Variants in DMXL2 observed in about 807,000 individuals in gnomAD.
DMXL2 encodes the protein dmX-like protein 2.
A neutral mutation model predicts 331.1 loss-of-function variants in DMXL2; 103 were observed. The observed-to-expected ratio is 0.31, with a 90% CI of 0.27 to 0.37. DMXL2 has a LOEUF of 0.37. Among genes scored for constraint, DMXL2 ranks in the 10% least tolerant of loss-of-function variants. DMXL2 has a pLI of 1.00. For synonymous variants in DMXL2, 1,281 were observed against 1,252.1 expected (o/e 1.02, Z -0.49); for missense variants, 3,171 against 3,642.9 (o/e 0.87, Z 3.33).
intron 6 of DMXL2, among the ~76,000 whole-genome samples, chr15:51,558,056 T>C (rs1384470346): frequency 2.0e-5 from 3 of 152,238 alleles, no homozygotes; most frequent in Non-Finnish European, 4.4e-5. Flanking sequence ...CAGTTTCAAC[T>C]GCAAGCATCT....
At chr15:51,451,561 C>T (rs763662851) in intron 42 of DMXL2, 84 bp downstream of exon 42, 255 of 1,049,570 alleles carry the variant, frequency 2.4e-4, no homozygotes, top group Non-Finnish European at 3.3e-4. Context: ...TCACTGGATT[C>T]ACTAATTAAA....
chr15:51,583,226 C>A (rs934883300), intron 1 of DMXL2, among the ~76,000 whole-genome samples: 6 of 105,394 alleles, frequency 5.7e-5, no homozygotes, highest in African/African-American at 1.9e-4. Flanking sequence ...GCTGCACCCA[C>A]TAATGTGTCA....
In DMXL2 at chr15:51,500,121, G is replaced by C; in HGVS notation, c.3103C>G (p.Pro1035Ala). 2 of 1,613,930 alleles carry C rather than the reference G, an allele frequency of 1.2e-6. No individual in the cohort carries two copies. The highest frequency in any genetic ancestry group is 8.5e-7 in the Non-Finnish European group (1 of 1,179,972). The change falls in exon 18 of 44, where the codon CCA (proline) becomes GCA (alanine). Residue 1035 changes from proline (P) to alanine (A), a missense_variant. Physicochemically the swap from Pro to Ala is conservative, Grantham distance 27 (BLOSUM62 -1). Coordinates refer to ENST00000560891, the MANE Select transcript of DMXL2 (RefSeq NM_001378457.1). ...RFWKCCMEAN[P>A]ECNKSDEKEI... Reference sequence around the variant, plus strand: ...TTCTCATCACTTTTATTACACTCTGGGTTGGCTTCCATACAACATTTCCAG... The same window carrying C: ...TTCTCATCACTTTTATTACACTCTGCGTTGGCTTCCATACAACATTTCCAG...
intron 1 of DMXL2, among the ~76,000 whole-genome samples, chr15:51,618,958 T>C (rs998433375): frequency 1.3e-5 from 2 of 152,186 alleles, no homozygotes; most frequent in African/African-American, 2.4e-5. Context: ...ACTGGAATAA[T>C]AGTAACTGCC....
chr15:51,463,240 T>C lies in DMXL2; in HGVS notation c.7926+139A>G, dbSNP rs545195097. ...AAATTATAAGGTTTTATCTTAAAAGTAGTTCACGGTAGTTTAGTGAACTTT... is the reference window on the plus strand; with the variant it reads ...AAATTATAAGGTTTTATCTTAAAAGCAGTTCACGGTAGTTTAGTGAACTTT... On this transcript the variant is annotated intron_variant, in intron 33 of 43. Transcript: ENST00000560891. The C allele has an allele frequency of 3.3e-5, 18 of 547,122 alleles. No individual in the cohort carries two copies. The South Asian group carries it at 3.8e-4, about 12-fold the overall frequency. 33.9% of individuals were successfully genotyped at this position (547,122 alleles called of 1,614,324 possible).
At chr15:51,601,151 C>T (rs1289747692) in intron 1 of DMXL2, among the ~76,000 whole-genome samples, 2 of 151,732 alleles carry the variant, frequency 1.3e-5, no homozygotes, top group African/African-American at 4.8e-5. Flanking sequence ...ATTAGCCGGG[C>T]GTGGTGGCAG....
chr15:51,542,608 TAAA>T, intron 8 of DMXL2, 101 bp from the exon 9 acceptor site: 1 of 844,604 alleles, frequency 1.2e-6, no homozygotes, highest in Non-Finnish European at 1.8e-6. Context: ...TTTTTCTCCA[TAAA>T]AACCTGATCA....
chr15:51,451,571 A>C, intron 42 of DMXL2, 74 bp downstream of exon 42: 1 of 1,202,638 alleles, frequency 8.3e-7, no homozygotes, highest in Non-Finnish European at 1.2e-6. Context: ...CACTAATTAA[A>C]ACCAAGAAAG....
rs745709758 is a variant in DMXL2, at chr15:51,447,822, T to C, written c.*1162A>G. 4.6e-5 allele frequency: 7 copies of C among 152,682 alleles called. No individual in the cohort carries two copies. The highest frequency in any genetic ancestry group is 1.0e-4 in the Non-Finnish European group (7 of 68,036). 9.5% of individuals were successfully genotyped at this position (152,682 alleles called of 1,614,324 possible). A position where few individuals can be genotyped will look rare whatever the true frequency, so the allele number is the denominator to read the frequency against. On this transcript the variant is annotated 3_prime_UTR_variant, in exon 44 of 44. Transcript: ENST00000560891. The stretch of plus-strand genomic sequence containing the variant: ...AAATAACATTTATTTTTCTTTTACA[T>C]ATATATTTCACAGCCTGAACATCAC...
chr15:51,481,399 C>G lies in DMXL2; in HGVS notation c.5707G>C (p.Glu1903Gln), dbSNP rs1567009399. Residue 1903 changes from glutamate (E) to glutamine (Q), a missense_variant, in exon 24 of 44, where the codon GAG becomes CAG. Physicochemically the swap from Glu to Gln is conservative, Grantham distance 29 (BLOSUM62 2). This residue lies in a region of DMXL2 where 244 missense variants were observed against 251.4 expected (regional missense o/e 0.97). Transcript: ENST00000560891. ...ACTTTTGGAATTTTGGAGAGTACCT[C>G]CAAGGCTAAAACAGGGCATCCAACT... ...FKVGCPVLALEVLSKIPKVTK... is the reference protein window; with the variant it reads ...FKVGCPVLALQVLSKIPKVTK... The G allele has an allele frequency of 1.2e-6, 2 of 1,612,966 alleles. No individual in the cohort carries two copies. The highest frequency in any genetic ancestry group is 1.7e-6 in the Non-Finnish European group (2 of 1,179,478).
intron 25 of DMXL2, among the ~76,000 whole-genome samples, chr15:51,479,253 T>C (rs899261538): frequency 8.5e-5 from 13 of 152,292 alleles, no homozygotes; most frequent in Non-Finnish European, 1.8e-4. Context: ...TAAATGTGCC[T>C]GTCAAACAAA....
chr15:51,582,928 A>G (rs1485252316), intron 1 of DMXL2, among the ~76,000 whole-genome samples: 3 of 151,906 alleles, frequency 2.0e-5, no homozygotes, highest in African/African-American at 7.2e-5. Context: ...CAATTACTTA[A>G]TAATTACCTA....
intron 17 of DMXL2, among the ~76,000 whole-genome samples, chr15:51,502,217 AGT>A (rs1387980192): frequency 2.1e-5 from 3 of 144,066 alleles, no homozygotes; most frequent in African/African-American, 5.1e-5. Context: ...TGGGCGACAG[AGT>A]GAGACTCCGT....
intron 1 of DMXL2, among the ~76,000 whole-genome samples, chr15:51,605,901 A>G (rs950198470): frequency 6.6e-6 from 1 of 152,206 alleles, no homozygotes; most frequent in African/African-American, 2.4e-5. Flanking sequence ...TAAAAAAATA[A>G]AAAATACTGT....
chr15:51,576,596 A>C (rs1173184806), intron 1 of DMXL2, among the ~76,000 whole-genome samples: 1 of 152,202 alleles, frequency 6.6e-6, no homozygotes, highest in African/African-American at 2.4e-5. Context: ...AGAAATATCA[A>C]GATAGAAATC....
chr15:51,449,601 C>G (rs75161170), intron 43 of DMXL2, among the ~76,000 whole-genome samples: 1,762 of 152,294 alleles, frequency 0.012, 27 homozygotes, highest in East Asian at 0.026. Context: ...ACGCATTCAG[C>G]ACGCTCCTTG....
At chr15:51,563,773 A>G (rs1016308879) in intron 5 of DMXL2, among the ~76,000 whole-genome samples, 1 of 152,076 alleles carries the variant, frequency 6.6e-6, no homozygotes, top group African/African-American at 2.4e-5. Flanking sequence ...CACATAATCT[A>G]TATGACTGTT....
intron 13 of DMXL2, among the ~76,000 whole-genome samples, chr15:51,520,728 G>A (rs777535232): frequency 2.6e-5 from 4 of 152,116 alleles, no homozygotes; most frequent in Admixed American, 6.5e-5. Flanking sequence ...GTGGCAGTGC[G>A]CACCTGTAAT....
intron 1 of DMXL2, among the ~76,000 whole-genome samples, chr15:51,586,377 G>A (rs1229021669): frequency 6.6e-6 from 1 of 151,934 alleles, no homozygotes; most frequent in Non-Finnish European, 1.5e-5. Context: ...CTACAAATAT[G>A]TAAAAACAAA....
Sources: gnomAD v4.1 joint callset for allele counts (sites outside exome capture counted in the v4.1 genomes callset) on GRCh38, gnomAD v4.1.1 for gene constraint, gnomAD v4.1.1 regional missense constraint, MANE v1.5 for transcripts, NCBI Gene and HGNC (gene_info 2026-07-23, HGNC 2026-07-21) for gene names.